Variants in SOX5 observed in about 807,000 individuals in gnomAD.
SOX5 encodes transcription factor SOX-5.
Under a neutral mutation model 92.0 loss-of-function variants are expected in SOX5, and 9 were observed. The ratio of observed to expected loss-of-function variants is 0.10; its 90% CI spans 0.06 to 0.17. The LOEUF (loss-of-function observed/expected upper bound fraction) is 0.17. Ranked by LOEUF, SOX5 falls within the 10% of genes least tolerant of loss-of-function variation. The pLI is 1.00. For missense variants in SOX5, 642 were observed against 944.5 expected, an observed-to-expected ratio of 0.68 and a Z score of 4.20; for synonymous variants, 344 against 336.3, an observed-to-expected ratio of 1.02 and a Z score of -0.25.
At chr12:23,653,354 T>C (rs1452984128) in intron 7 of SOX5, among the ~76,000 whole-genome samples, 1 of 152,022 alleles carries the variant, frequency 6.6e-6, no homozygotes, top group Non-Finnish European at 1.5e-5. Flanking sequence ...TCTTCGATTG[T>C]ATAGCTGCCT....
chr12:24,050,056 A>G (rs566590221), intron 4 of SOX5, among the ~76,000 whole-genome samples: 1 of 126,410 alleles, frequency 7.9e-6, no homozygotes, highest in Non-Finnish European at 1.6e-5. Flanking sequence ...TTTTCTTTCA[A>G]TGCTTTCACA....
intron 1 of SOX5, among the ~76,000 whole-genome samples, chr12:24,442,620 G>T (rs1202620751): frequency 2.0e-5 from 3 of 152,198 alleles, no homozygotes; most frequent in Non-Finnish European, 4.4e-5. Context: ...CTAGGAGGTG[G>T]TAAGGGAGCA....
chr12:23,979,950 T>C (rs12370106), intron 4 of SOX5, among the ~76,000 whole-genome samples: 137,221 of 145,604 alleles, frequency 0.94, 64,818 homozygotes, highest in Middle Eastern at 0.98. Context: ...GATAGATAGA[T>C]AGACAGACAG....
intron 4 of SOX5, among the ~76,000 whole-genome samples, chr12:24,096,085 T>C (rs567464314): frequency 8.1e-4 from 124 of 152,260 alleles, no homozygotes; most frequent in Non-Finnish European, 1.5e-3. Context: ...TAACTTTTAC[T>C]TTTTGTTTTT....
chr12:24,127,802 A>G (rs535478180), intron 4 of SOX5, among the ~76,000 whole-genome samples: 35 of 152,224 alleles, frequency 2.3e-4, no homozygotes, highest in African/African-American at 6.0e-4. Context: ...GCATAAACCA[A>G]TCACATAGAG....
At chr12:24,334,190 A>C (rs943521349) in intron 2 of SOX5, among the ~76,000 whole-genome samples, 4 of 151,998 alleles carry the variant, frequency 2.6e-5, no homozygotes, top group African/African-American at 9.6e-5. Context: ...ATATGTGATT[A>C]GTTATATTTT....
chr12:24,162,470 T>C (rs1347961431), intron 4 of SOX5, among the ~76,000 whole-genome samples: 2 of 152,130 alleles, frequency 1.3e-5, no homozygotes, highest in South Asian at 2.1e-4. Context: ...TGGCACAGAT[T>C]TTCCTCAAAT....
chr12:23,794,949 A>G (rs2095537017), intron 3 of SOX5, among the ~76,000 whole-genome samples: 1 of 152,116 alleles, frequency 6.6e-6, no homozygotes, highest in Non-Finnish European at 1.5e-5. Context: ...AATTCCGCTA[A>G]TATATTAAAA....
At chr12:24,532,580 G>T (rs183445505) in intron 1 of SOX5, among the ~76,000 whole-genome samples, 11 of 152,248 alleles carry the variant, frequency 7.2e-5, no homozygotes, top group Non-Finnish European at 1.6e-4. Flanking sequence ...TACCAAGTGG[G>T]TATACTTTAA....
intron 6 of SOX5, among the ~76,000 whole-genome samples, chr12:23,726,997 T>C (rs138175928): frequency 4.8e-4 from 73 of 152,228 alleles, no homozygotes; most frequent in African/African-American, 1.7e-3. Flanking sequence ...TCAGAAATCA[T>C]ACTGCAAAGA....
intron 3 of SOX5, among the ~76,000 whole-genome samples, chr12:24,223,750 A>G (rs1332885581): frequency 1.3e-5 from 2 of 152,152 alleles, no homozygotes; most frequent in East Asian, 3.8e-4. Flanking sequence ...GTGAGACCCT[A>G]TCTCAAACAA....
chr12:23,721,280 T>C (rs960225794), intron 6 of SOX5, among the ~76,000 whole-genome samples: 1 of 152,002 alleles, frequency 6.6e-6, no homozygotes, highest in Non-Finnish European at 1.5e-5. Flanking sequence ...AGATGGGGTT[T>C]CTCCATATTG....
At chr12:24,549,324 G>A (rs995153605) in intron 1 of SOX5, among the ~76,000 whole-genome samples, 4 of 152,204 alleles carry the variant, frequency 2.6e-5, no homozygotes, top group African/African-American at 4.8e-5. Flanking sequence ...GTGTGTGCCT[G>A]TTCCACACAC....
chr12:23,884,816 G>A (rs1214050414), intron 2 of SOX5, among the ~76,000 whole-genome samples: 10 of 152,082 alleles, frequency 6.6e-5, no homozygotes, highest in Non-Finnish European at 1.5e-4. Flanking sequence ...TATACGATTG[G>A]CTAAGATAAT....
chr12:23,624,939 C>T (rs912746240), intron 8 of SOX5, among the ~76,000 whole-genome samples: 1 of 152,156 alleles, frequency 6.6e-6, no homozygotes, highest in African/African-American at 2.4e-5. Context: ...TGGGAATTTG[C>T]TACCATTTTA....
chr12:24,270,875 C>T (rs551415754), intron 3 of SOX5, among the ~76,000 whole-genome samples: 2 of 152,206 alleles, frequency 1.3e-5, no homozygotes, highest in Non-Finnish European at 2.9e-5. Flanking sequence ...TTCAATACTT[C>T]ACATGTCATT....
intron 4 of SOX5, among the ~76,000 whole-genome samples, chr12:24,133,847 G>A (rs1248389483): frequency 1.3e-5 from 2 of 152,116 alleles, no homozygotes; most frequent in African/African-American, 4.8e-5. Context: ...AATGCAAATA[G>A]GGATATAATG....
At chr12:24,145,202 C>T (rs1189853488) in intron 4 of SOX5, among the ~76,000 whole-genome samples, 1 of 152,106 alleles carries the variant, frequency 6.6e-6, no homozygotes, top group Non-Finnish European at 1.5e-5. Context: ...ACAAGTAGTT[C>T]TAGCTTATAC....
At chr12:24,169,946 GTATTGT>G (rs1261428920) in intron 4 of SOX5, among the ~76,000 whole-genome samples, 2 of 152,188 alleles carry the variant, frequency 1.3e-5, no homozygotes, top group East Asian at 3.9e-4. Context: ...TTCGTTAGGT[GTATTGT>G]TGCCTGAACC....
Sources: allele counts gnomAD v4.1 joint callset (sites outside exome capture counted in the v4.1 genomes callset), GRCh38; gene constraint gnomAD v4.1.1; transcripts MANE v1.5; gene names NCBI Gene and HGNC (gene_info 2026-07-23, HGNC 2026-07-21).